The following TATDN3 variants were observed in gnomAD, a reference collection of about 807,000 sequenced individuals.
TATDN3 encodes TatD DNase domain containing 3.
A neutral mutation model predicts 40.1 loss-of-function variants in TATDN3; 29 were observed. The ratio of observed to expected loss-of-function variants is 0.72; its 90% CI spans 0.54 to 0.99. The LOEUF is 0.99. Ranked by LOEUF, TATDN3 falls within the 50% of genes least tolerant of loss-of-function variation. TATDN3 has a pLI of 0.00. For synonymous variants in TATDN3, 105 were observed against 117.0 expected, an observed-to-expected ratio of 0.90 and a Z score of 0.66; for missense variants, 309 against 321.9, an observed-to-expected ratio of 0.96 and a Z score of 0.31.
At chr1:212,800,807 C>A (rs908925406) in intron 4 of TATDN3, among the ~76,000 whole-genome samples, 10 of 151,890 alleles carry the variant, frequency 6.6e-5, no homozygotes, top group Non-Finnish European at 1.3e-4. Flanking sequence ...CTTACCTTTG[C>A]CAAGTCTGAT....
rs919349072 is a variant in TATDN3 at position 212,815,917 on chromosome 1, A to G, written c.*761A>G. The G allele has an allele frequency of 6.6e-6, 1 of 152,228 alleles. No homozygotes were observed. Among genetic ancestry groups the G allele is most frequent in the African/African-American group, 2.4e-5 (1 of 41,452 alleles). The allele number at this position is 152,228 out of a possible 1,614,324, so 9.4% of individuals were successfully genotyped here. ...CTATGCTGTCAGAAATCTCTTTTCT[A>G]GGTTTGTAAAATTGAACTTTTAGTA... On this transcript the variant is annotated 3_prime_UTR_variant, in exon 10 of 10. Coordinates refer to ENST00000366974, the MANE Select transcript of TATDN3 (RefSeq NM_001042552.3).
chr1:212,803,033 G>C (rs1662258289), intron 5 of TATDN3, among the ~76,000 whole-genome samples: 1 of 151,810 alleles, frequency 6.6e-6, no homozygotes, highest in South Asian at 2.1e-4. Flanking sequence ...GCTTAAATAT[G>C]GGTCCTTGCT....
At position 212,815,224 on chromosome 1, in the gene TATDN3, T is replaced by G. The variant is rs1663122231; in HGVS notation, c.*68T>G. ...CAGCATTTGAAAAATAGAAATGTTC[T>G]GATGAAGAATCTGAACTGAAGAAGC... is the stretch of plus-strand genomic sequence containing the variant. On this transcript the variant is annotated 3_prime_UTR_variant, in exon 10 of 10. Coordinates refer to ENST00000366974, the MANE Select transcript of TATDN3 (RefSeq NM_001042552.3). 1 of 1,504,748 alleles carries G rather than the reference T, an allele frequency of 6.6e-7. No homozygotes were observed. Among genetic ancestry groups the G allele is most frequent in the Non-Finnish European group, 8.9e-7 (1 of 1,122,318 alleles). The allele number at this position is 1,504,748 out of a possible 1,614,324, so 93.2% of individuals were successfully genotyped here.
chr1:212,795,157 GTTTTTTATTTTAACTATCAT>G lies in TATDN3; in HGVS notation c.99+33_99+52del, dbSNP rs774865294. On this transcript the variant is annotated intron_variant, in intron 2 of 9. Coordinates refer to ENST00000366974, the MANE Select transcript of TATDN3 (RefSeq NM_001042552.3). ...GTCAATATTTGTAATTGCTCTTTTG[GTTTTTTATTTTAACTATCAT>G]TTCAAGCCAAAACAGCTTGAAATTT... 1.0e-5 allele frequency: 16 copies of G among 1,592,904 alleles called. No individual in the cohort carries two copies. The African/African-American group carries it at 1.9e-4, about 19-fold the overall frequency.
intron 2 of TATDN3, among the ~76,000 whole-genome samples, chr1:212,796,079 T>G (rs1455003979): frequency 6.6e-6 from 1 of 152,250 alleles, no homozygotes; most frequent in Non-Finnish European, 1.5e-5. Flanking sequence ...AAAAATTATT[T>G]TTTTGGAAGT....
chr1:212,794,547 C>T, intron 1 of TATDN3: 1 of 325,540 alleles, frequency 3.1e-6, no homozygotes. Flanking sequence ...GCCGAGATCG[C>T]ACCATTGCAC....
intron 1 of TATDN3, among the ~76,000 whole-genome samples, chr1:212,792,632 CAAAAAAAAA>C (rs752952752): frequency 2.7e-5 from 2 of 75,102 alleles, no homozygotes; most frequent in South Asian, 9.1e-4. Context: ...GACCCTGTCT[CAAAAAAAAA>C]AAAAAAAAAA....
intron 7 of TATDN3, among the ~76,000 whole-genome samples, chr1:212,806,867 CACATATATACATATGT>C (rs1662560094): frequency 1.1e-5 from 1 of 91,720 alleles, no homozygotes; most frequent in Non-Finnish European, 2.2e-5. Context: ...TATGTATATA[CACATATATACATATGT>C]ATATACACAT....
chr1:212,799,647 C>T (rs1340528293), intron 4 of TATDN3, among the ~76,000 whole-genome samples: 2 of 151,842 alleles, frequency 1.3e-5, no homozygotes, highest in African/African-American at 2.4e-5. Flanking sequence ...AAGTGATTCT[C>T]GTGCCTCAGC....
At chr1:212,807,428 T>C (rs1662608939) in intron 7 of TATDN3, among the ~76,000 whole-genome samples, 1 of 152,028 alleles carries the variant, frequency 6.6e-6, no homozygotes, top group Non-Finnish European at 1.5e-5. Flanking sequence ...AAATTTTGTA[T>C]TTTTTGTAGA....
chr1:212,807,733 A>G lies in TATDN3; in HGVS notation c.488-3A>G. The G allele has an allele frequency of 6.3e-7, 1 of 1,593,396 alleles. No homozygotes were observed. Among genetic ancestry groups the G allele is most frequent in the East Asian group, 2.2e-5 (1 of 44,524 alleles). On this transcript the variant is annotated splice_region_variant and splice_polypyrimidine_tract_variant and intron_variant, in intron 7 of 9. Coordinates refer to ENST00000366974, the MANE Select transcript of TATDN3 (RefSeq NM_001042552.3). ...ATACTGCCTTATCTTTCATTTTTGA[A>G]AGGTGCTGAGAAGGTACTGCTGCAT...
intron 3 of TATDN3, 175 bp downstream of exon 3, chr1:212,796,765 T>C (rs1661794168): frequency 3.9e-6 from 2 of 510,892 alleles, no homozygotes; most frequent in African/African-American, 2.0e-5. Context: ...AGAGATGGAG[T>C]CTTGCTCTGT....
At position 212,804,409 on chromosome 1, in the gene TATDN3, CA is replaced by C. The variant is rs1188406957; in HGVS notation, c.415del (p.Arg139AspfsTer2). 4 of 1,613,790 alleles carry C rather than the reference CA, an allele frequency of 2.5e-6. No individual in the cohort carries two copies. In the South Asian group the frequency reaches 4.4e-5, roughly 18 times the overall value. ...TCCTAATCAGACAGATCCAGTTAGC[CA>C]AAAGACTAAATTTGCCTGTGTAGGT... is the stretch of plus-strand genomic sequence containing the variant. ...QVLIRQIQLA[K>X]RLNLPVNVHS... On this transcript the variant is annotated frameshift_variant, in exon 6 of 10. Transcript: ENST00000366974. LOFTEE classifies it high-confidence loss of function.
chr1:212,811,869 A>AT (rs1662907555), intron 8 of TATDN3, among the ~76,000 whole-genome samples: 3 of 151,710 alleles, frequency 2.0e-5, no homozygotes, highest in Admixed American at 2.0e-4. Context: ...TGCCTGGCTA[A>AT]TTTTTGTATT....
intron 1 of TATDN3, 143 bp from the exon 2 acceptor site, chr1:212,794,952 C>A: frequency 1.5e-6 from 1 of 668,586 alleles, no homozygotes. Flanking sequence ...GGAAGTGGGT[C>A]AGTGTAGGCT....
intron 4 of TATDN3, chr1:212,797,486 A>C (rs1349239943): frequency 3.5e-6 from 1 of 287,216 alleles, no homozygotes; most frequent in African/African-American, 2.2e-5. Context: ...GAAAATACTT[A>C]CTGTATAATA....
At chr1:212,803,384 A>G (rs539670794) in intron 5 of TATDN3, among the ~76,000 whole-genome samples, 4 of 152,092 alleles carry the variant, frequency 2.6e-5, no homozygotes, top group African/African-American at 9.6e-5. Context: ...GGGTTTCACC[A>G]TGTTGGCCAG....
At chr1:212,806,748 A>G (rs200579277) in intron 7 of TATDN3, among the ~76,000 whole-genome samples, 1 of 11,650 alleles carries the variant, frequency 8.6e-5, no homozygotes, top group Admixed American at 1.1e-3. Flanking sequence ...CTCTCTCTCC[A>G]TATATATATA....
chr1:212,803,076 A>G (rs1263222637), intron 5 of TATDN3, among the ~76,000 whole-genome samples: 4 of 152,086 alleles, frequency 2.6e-5, no homozygotes, highest in Admixed American at 1.3e-4. Flanking sequence ...ATAATTCTTC[A>G]TAAGTAATTT....
Sources: gnomAD v4.1 joint callset for allele counts (sites outside exome capture counted in the v4.1 genomes callset) on GRCh38, gnomAD v4.1.1 for gene constraint, MANE v1.5 for transcripts, NCBI Gene and HGNC (gene_info 2026-07-23, HGNC 2026-07-21) for gene names.